Variants in STXBP5 observed in about 807,000 individuals in gnomAD.
STXBP5 encodes the protein syntaxin binding protein 5.
In STXBP5, 50 loss-of-function variants were observed where a neutral mutation model predicts 152.4. The ratio of observed to expected loss-of-function variants is 0.33; its 90% CI spans 0.26 to 0.42. STXBP5 has a LOEUF of 0.42. Ranked by LOEUF, STXBP5 falls within the 10% of genes least tolerant of loss-of-function variation. The pLI is 1.00. For synonymous variants in STXBP5, 492 were observed against 494.7 expected (o/e 0.99, Z 0.07); for missense variants, 1,167 against 1,388.6 (o/e 0.84, Z 2.54).
At chr6:147,379,892 G>T (rs1482987318) in intron 26 of STXBP5, among the ~76,000 whole-genome samples, 3 of 151,996 alleles carry the variant, frequency 2.0e-5, no homozygotes, top group African/African-American at 7.2e-5. Context: ...ATTTATAGCA[G>T]TATCAAAAAA....
intron 19 of STXBP5, among the ~76,000 whole-genome samples, chr6:147,334,440 A>G (rs1166108235): frequency 6.6e-6 from 1 of 152,204 alleles, no homozygotes; most frequent in African/African-American, 2.4e-5. Flanking sequence ...TTACCTGCTG[A>G]GAATCATGTA....
In STXBP5 at chr6:147,327,149, C is replaced by G; in HGVS notation, c.1953C>G (p.Gly651=). The G allele has an allele frequency of 6.2e-7, 1 of 1,611,980 alleles. No homozygotes were observed. The change falls in exon 18 of 28, where the codon GGC becomes GGG. Residue 651 remains glycine (G), a synonymous_variant. Transcript: ENST00000321680. ...YGLVVFGNCN[G]IAMVDYLQKA... is the part of the protein sequence containing the mutation. ...GGGTGGTTTTTGGCAATTGCAATGG[C>G]ATTGCTATGGTTGACTACCTCCAGA...
At chr6:147,384,390 T>C (rs1786240968) in intron 27 of STXBP5, among the ~76,000 whole-genome samples, 1 of 152,132 alleles carries the variant, frequency 6.6e-6, no homozygotes. Context: ...TTTCAACCTT[T>C]AATTCGCCAG....
intron 8 of STXBP5, among the ~76,000 whole-genome samples, chr6:147,290,353 TGTTAG>T (rs1781217336): frequency 2.0e-5 from 3 of 151,500 alleles, no homozygotes; most frequent in Admixed American, 2.0e-4. Flanking sequence ...GGGTAAGAGG[TGTTAG>T]GTTAGGGGTG....
intron 17 of STXBP5, 106 bp from the exon 18 acceptor site, chr6:147,327,019 T>C: frequency 9.7e-7 from 1 of 1,026,242 alleles, no homozygotes; most frequent in Admixed American, 2.8e-5. Flanking sequence ...TTCAAAGAAT[T>C]TTCTGAAAGA....
chr6:147,359,088 A>G lies in STXBP5; in HGVS notation c.2310A>G (p.Val770=). The G allele has an allele frequency of 1.2e-6, 2 of 1,613,346 alleles. No homozygotes were observed. Among genetic ancestry groups the G allele is most frequent in the Non-Finnish European group, 1.7e-6 (2 of 1,179,516 alleles). ...CAACATTTTTAACCATTTCAGATGT[A>G]AAGGATAACTCCTTTAGCCGATCAC... ...LPTDLKPDLD[V]KDNSFSRSRS... The change falls in exon 23 of 28, where the codon GTA becomes GTG. Residue 770 remains valine (V), a synonymous_variant. Transcript: ENST00000321680.
intron 18 of STXBP5, among the ~76,000 whole-genome samples, chr6:147,331,227 G>T (rs1783551973): frequency 6.6e-6 from 1 of 152,140 alleles, no homozygotes; most frequent in Non-Finnish European, 1.5e-5. Flanking sequence ...CTGTTTAAGG[G>T]GGAGGTAGCT....
intron 4 of STXBP5, among the ~76,000 whole-genome samples, chr6:147,249,465 A>C (rs1486663820): frequency 6.6e-6 from 1 of 152,164 alleles, no homozygotes; most frequent in East Asian, 1.9e-4. Context: ...AGGCTGGAGA[A>C]AGTGGTTCCT....
chr6:147,302,114 T>C (rs1781850168), intron 9 of STXBP5, among the ~76,000 whole-genome samples: 1 of 152,198 alleles, frequency 6.6e-6, no homozygotes, highest in African/African-American at 2.4e-5. Context: ...GGCTATTCCC[T>C]ATATTTGTTT....
chr6:147,317,625 A>G (rs1782707367), intron 16 of STXBP5, among the ~76,000 whole-genome samples: 1 of 152,178 alleles, frequency 6.6e-6, no homozygotes, highest in Non-Finnish European at 1.5e-5. Context: ...TCTGATCCAA[A>G]CAGTATATAC....
At chr6:147,306,174 G>T (rs1293958689) in intron 9 of STXBP5, among the ~76,000 whole-genome samples, 2 of 152,166 alleles carry the variant, frequency 1.3e-5, no homozygotes, top group Admixed American at 6.5e-5. Flanking sequence ...ATTAAGTCTG[G>T]TGAGGCAGTG....
At chr6:147,339,101 T>G (rs996154201) in intron 19 of STXBP5, 78 bp from the exon 20 acceptor site, 1 of 1,237,152 alleles carries the variant, frequency 8.1e-7, no homozygotes, top group Non-Finnish European at 1.1e-6. Flanking sequence ...GATTTTTTAT[T>G]TGTACATTTT....
intron 2 of STXBP5, among the ~76,000 whole-genome samples, chr6:147,213,473 TGTGTGC>T (rs1776984063): frequency 2.4e-5 from 3 of 126,530 alleles, no homozygotes; most frequent in Non-Finnish European, 3.5e-5. Context: ...TGTGTGTGTG[TGTGTGC>T]GCGCGCATAT....
intron 2 of STXBP5, among the ~76,000 whole-genome samples, chr6:147,224,786 A>C (rs1253734349): frequency 6.6e-6 from 1 of 152,206 alleles, no homozygotes; most frequent in Non-Finnish European, 1.5e-5. Flanking sequence ...TTATGTTCAC[A>C]CAAAATAAAG....
intron 23 of STXBP5, 38 bp downstream of exon 23, chr6:147,359,361 T>A (rs111416044): frequency 1.3e-6 from 2 of 1,585,532 alleles, no homozygotes; most frequent in Non-Finnish European, 1.7e-6. Context: ...ACATTACAGG[T>A]GTGATTTACT....
chr6:147,353,128 G>A (rs1028967946), intron 21 of STXBP5, among the ~76,000 whole-genome samples, 195 bp from the exon 22 acceptor site: 2 of 152,152 alleles, frequency 1.3e-5, no homozygotes, highest in Non-Finnish European at 2.9e-5. Context: ...GGGCGATTGA[G>A]TGAGACCCTG....
chr6:147,225,272 A>G (rs117739744), intron 2 of STXBP5, among the ~76,000 whole-genome samples: 4,664 of 152,298 alleles, frequency 0.031, 114 homozygotes, highest in Non-Finnish European at 0.051. Context: ...CTATTATAGG[A>G]TAACTTATTG....
intron 4 of STXBP5, 50 bp from the exon 5 acceptor site, chr6:147,260,565 A>G: frequency 6.2e-7 from 1 of 1,610,928 alleles, no homozygotes; most frequent in Non-Finnish European, 8.5e-7. Context: ...GCAATTAGTA[A>G]AATTTGCCAT....
At chr6:147,235,077 C>T (rs1053182496) in intron 2 of STXBP5, among the ~76,000 whole-genome samples, 173 bp from the exon 3 acceptor site, 3 of 152,068 alleles carry the variant, frequency 2.0e-5, no homozygotes, top group Non-Finnish European at 4.4e-5. Flanking sequence ...TCTGAGACTT[C>T]TCAACAGAAA....
Sources: gnomAD v4.1 joint callset for allele counts (sites outside exome capture counted in the v4.1 genomes callset) on GRCh38, gnomAD v4.1.1 for gene constraint, MANE v1.5 for transcripts, NCBI Gene and HGNC (gene_info 2026-07-23, HGNC 2026-07-21) for gene names.